CCDC85C: variants seen among roughly 807,000 people sequenced by gnomAD.
The protein encoded by CCDC85C is coiled-coil domain containing 85C.
Under a neutral mutation model 38.3 loss-of-function variants are expected in CCDC85C, and 18 were observed. The observed-to-expected ratio is 0.47, with a 90% confidence interval of 0.33 to 0.70. The LOEUF (loss-of-function observed/expected upper bound fraction) is 0.70. CCDC85C is among the 30% of genes least tolerant of loss of function. The pLI, the probability that CCDC85C is intolerant of heterozygous loss-of-function variation, is 0.03. For missense variants in CCDC85C, 566 were observed against 621.2 expected, an observed-to-expected ratio of 0.91 and a Z score of 0.94; for synonymous variants, 264 against 293.8, an observed-to-expected ratio of 0.90 and a Z score of 1.04.
chr14:99,510,735 G>T lies in CCDC85C; in HGVS notation c.*4511C>A. On this transcript the variant is annotated 3_prime_UTR_variant, in exon 6 of 6. Coordinates refer to ENST00000380243, the MANE Select transcript of CCDC85C (RefSeq NM_001144995.2). ...TGTGCCCCCGCCCATTCCCCCACCC[G>T]GCATGCCTCCAGTTGGGGGGCTGGG... is the stretch of plus-strand genomic sequence containing the variant. 4 of 1,450,514 alleles carry T rather than the reference G, an allele frequency of 2.8e-6. No individual in the cohort carries two copies. The highest frequency in any genetic ancestry group is 3.6e-6 in the Non-Finnish European group (4 of 1,102,034). 89.9% of individuals were successfully genotyped at this position (1,450,514 alleles called of 1,614,324 possible). A position where few individuals can be genotyped will look rare whatever the true frequency, so the allele number is the denominator to read the frequency against.
chr14:99,526,261 A>T (rs914341282), intron 2 of CCDC85C, among the ~76,000 whole-genome samples: 3 of 152,070 alleles, frequency 2.0e-5, no homozygotes, highest in Non-Finnish European at 2.9e-5. Flanking sequence ...GCCTACATCC[A>T]CCCTCAGAGC....
Position 99,505,460 on chromosome 14 carries a change from T to G in CCDC85C, c.*9786A>C, listed in dbSNP as rs1595322074. 6.6e-6 allele frequency: 1 copy of G among 152,210 alleles called. No homozygotes were observed. The highest frequency in any genetic ancestry group is 2.1e-4 in the South Asian group (1 of 4,834). The allele number at this position is 152,210 out of a possible 1,614,324, so 9.4% of individuals were successfully genotyped here. On this transcript the variant is annotated 3_prime_UTR_variant, in exon 6 of 6. Coordinates refer to ENST00000380243, the MANE Select transcript of CCDC85C (RefSeq NM_001144995.2). ...GTAAGACATCTCATTAGTAAAGCTT[T>G]ATATTGGTTACATGTTGAAATAAAA...
At chr14:99,585,690 C>T (rs570008077) in intron 1 of CCDC85C, among the ~76,000 whole-genome samples, 1 of 152,244 alleles carries the variant, frequency 6.6e-6, no homozygotes, top group African/African-American at 2.4e-5. Context: ...GGTCTGCTGC[C>T]TTGTCGGAGA....
intron 1 of CCDC85C, among the ~76,000 whole-genome samples, chr14:99,593,776 C>A (rs1161938013): frequency 6.6e-6 from 1 of 152,208 alleles, no homozygotes; most frequent in Non-Finnish European, 1.5e-5. Context: ...CTGGCTCTGG[C>A]CACCCAGCAG....
rs1449790891 is a variant in CCDC85C, at chr14:99,502,614, T to C, written c.*12632A>G. 4 of 1,252,354 alleles carry C rather than the reference T, an allele frequency of 3.2e-6. No homozygotes were observed. In the Admixed American group the frequency reaches 8.7e-5, roughly 27 times the overall value. 77.6% of individuals were successfully genotyped at this position (1,252,354 alleles called of 1,614,324 possible). Reference sequence around the variant, plus strand: ...AGATGGGGTGAGTTGTAAATGTGATTCATGCTTAGGTCCTCGTAGGGGTAT... The same window carrying C: ...AGATGGGGTGAGTTGTAAATGTGATCCATGCTTAGGTCCTCGTAGGGGTAT... On this transcript the variant is annotated 3_prime_UTR_variant, in exon 6 of 6. Coordinates refer to ENST00000380243, the MANE Select transcript of CCDC85C (RefSeq NM_001144995.2).
chr14:99,538,080 T>A (rs1027165254), intron 1 of CCDC85C, among the ~76,000 whole-genome samples: 2 of 151,714 alleles, frequency 1.3e-5, no homozygotes, highest in Admixed American at 6.5e-5. Flanking sequence ...CTGGGTGGAG[T>A]CGGGTGGGGG....
At chr14:99,587,903 T>C (rs1322508022) in intron 1 of CCDC85C, among the ~76,000 whole-genome samples, 1 of 152,122 alleles carries the variant, frequency 6.6e-6, no homozygotes, top group East Asian at 1.9e-4. Flanking sequence ...ATGTCTGCCA[T>C]ACAAATAACA....
In CCDC85C at chr14:99,505,349, G is replaced by A. The variant is rs187217449; in HGVS notation, c.*9897C>T. On this transcript the variant is annotated 3_prime_UTR_variant, in exon 6 of 6. Transcript: ENST00000380243. ...CATGCCGAAGGCTACTGGCTGCAGA[G>A]GGCTGCAAGCACTCGAAATGTGACT... 1.2e-3 allele frequency: 183 copies of A among 152,326 alleles called. 1 individual carries two copies. The highest frequency in any genetic ancestry group is 3.8e-3 in the African/African-American group (160 of 41,564). 9.4% of individuals were successfully genotyped at this position (152,326 alleles called of 1,614,324 possible).
intron 1 of CCDC85C, among the ~76,000 whole-genome samples, chr14:99,598,559 C>T (rs1192460722): frequency 6.6e-6 from 1 of 152,186 alleles, no homozygotes; most frequent in Non-Finnish European, 1.5e-5. Flanking sequence ...TGCCAGGACA[C>T]AGGGAGACAG....
intron 1 of CCDC85C, among the ~76,000 whole-genome samples, chr14:99,586,580 A>G (rs1400974988): frequency 6.6e-6 from 1 of 152,186 alleles, no homozygotes; most frequent in Non-Finnish European, 1.5e-5. Flanking sequence ...CTGCACATTT[A>G]CAACACTCAG....
At position 99,510,437 on chromosome 14, in the gene CCDC85C, C is replaced by T. The variant is rs1158891445; in HGVS notation, c.*4809G>A. The T allele has an allele frequency of 1.9e-6, 3 of 1,543,668 alleles. No individual in the cohort carries two copies. The highest frequency in any genetic ancestry group is 2.4e-5 in the South Asian group (2 of 83,786). ...ACGGTGCCCTGCCCCCCGCCTACGG[C>T]CCACCTGCACACCTGCCCTACCACC... is the stretch of plus-strand genomic sequence containing the variant. On this transcript the variant is annotated 3_prime_UTR_variant, in exon 6 of 6. Coordinates refer to ENST00000380243, the MANE Select transcript of CCDC85C (RefSeq NM_001144995.2).
intron 1 of CCDC85C, among the ~76,000 whole-genome samples, chr14:99,565,450 A>C (rs749017511): frequency 8.5e-5 from 13 of 152,144 alleles, no homozygotes; most frequent in Non-Finnish European, 1.5e-4. Flanking sequence ...ACAACCTAGA[A>C]CCCTCTACAA....
At chr14:99,586,513 G>T (rs140836811) in intron 1 of CCDC85C, among the ~76,000 whole-genome samples, 1 of 152,238 alleles carries the variant, frequency 6.6e-6, no homozygotes, top group Non-Finnish European at 1.5e-5. Flanking sequence ...ATGCTAGAGT[G>T]GGGGCATGGA....
rs1897199999 is a variant in CCDC85C at position 99,515,093 on chromosome 14, T to C, written c.*153A>G. 1 of 592,380 alleles carries C rather than the reference T, an allele frequency of 1.7e-6. No individual in the cohort carries two copies. Among genetic ancestry groups the C allele is most frequent in the African/African-American group, 1.9e-5 (1 of 53,578 alleles). The allele number at this position is 592,380 out of a possible 1,614,324, so 36.7% of individuals were successfully genotyped here. A position where few individuals can be genotyped will look rare whatever the true frequency, so the allele number is the denominator to read the frequency against. On this transcript the variant is annotated 3_prime_UTR_variant, in exon 6 of 6. Transcript: ENST00000380243. ...GGCTTGGGCCAGTGCATCGGACCCA[T>C]GGCAGCTGGGCCAGGGCGGGCAGCG...
At chr14:99,562,374 C>T (rs1461995072) in intron 1 of CCDC85C, among the ~76,000 whole-genome samples, 2 of 152,244 alleles carry the variant, frequency 1.3e-5, no homozygotes, top group African/African-American at 4.8e-5. Context: ...CCAAGTGCCA[C>T]AGAGCCACAG....
At chr14:99,549,764 C>T (rs578049298) in intron 1 of CCDC85C, among the ~76,000 whole-genome samples, 3 of 152,290 alleles carry the variant, frequency 2.0e-5, no homozygotes, top group South Asian at 2.1e-4. Flanking sequence ...GATTGTTGAC[C>T]GAAATGATCA....
At position 99,510,174 on chromosome 14, in the gene CCDC85C, G is replaced by C; in HGVS notation, c.*5072C>G. The C allele has an allele frequency of 3.8e-6, 6 of 1,597,838 alleles. No individual in the cohort carries two copies. The highest frequency in any genetic ancestry group is 5.1e-6 in the Non-Finnish European group (6 of 1,175,576). On this transcript the variant is annotated 3_prime_UTR_variant, in exon 6 of 6. Coordinates refer to ENST00000380243, the MANE Select transcript of CCDC85C (RefSeq NM_001144995.2). ...TCCTGCAGACCGGAAGCCTCCCCTC[G>C]CTGCTGCCTTAGGTGAGGCTGAGCC...
chr14:99,567,126 G>C (rs1898230850), intron 1 of CCDC85C, among the ~76,000 whole-genome samples: 1 of 117,206 alleles, frequency 8.5e-6, no homozygotes, highest in African/African-American at 3.8e-5. Context: ...CCTCATGTGT[G>C]AGATGGGAAG....
At chr14:99,580,861 T>A (rs1030243273) in intron 1 of CCDC85C, among the ~76,000 whole-genome samples, 1 of 152,124 alleles carries the variant, frequency 6.6e-6, no homozygotes, top group African/African-American at 2.4e-5. Flanking sequence ...CAAGACTCCA[T>A]CTCAAGAAAA....
Sources: gnomAD v4.1 joint callset for allele counts (sites outside exome capture counted in the v4.1 genomes callset) on GRCh38, gnomAD v4.1.1 for gene constraint, MANE v1.5 for transcripts, NCBI Gene and HGNC (gene_info 2026-07-23, HGNC 2026-07-21) for gene names.